Variants in DET1 observed in about 807,000 individuals in gnomAD.
The protein encoded by DET1 is DET1 homolog.
Under a neutral mutation model 43.7 loss-of-function variants are expected in DET1, and 22 were observed. The observed-to-expected ratio is 0.50, with a 90% CI of 0.36 to 0.72. DET1 has a LOEUF of 0.72. Among genes scored for constraint, DET1 ranks in the 30% least tolerant of loss-of-function variants. The pLI, the probability that DET1 is intolerant of heterozygous loss-of-function variation, is 0.00. For missense variants in DET1, 713 were observed against 713.3 expected (o/e 1.00, Z 0.00); for synonymous variants, 315 against 266.2 (o/e 1.18, Z -1.79).
chr15:88,530,942 G>T lies in DET1; in HGVS notation c.764C>A (p.Thr255Asn). ...TPEGTFIDVR[T>N]IGRFCYEDDL... ...ATCCTCATAGCAAAAGCGGCCAATG[G>T]TCCGCACATCAATGAAAGTGCCTTC... Residue 255 changes from threonine (T) to asparagine (N), a missense_variant, in exon 2 of 5, where the codon ACC becomes AAC. Thr to Asn is a moderately conservative substitution (Grantham distance 65, BLOSUM62 0). Transcript: ENST00000268148. 6.2e-7 allele frequency: 1 copy of T among 1,613,998 alleles called. No homozygotes were observed. Among genetic ancestry groups the T allele is most frequent in the Non-Finnish European group, 8.5e-7 (1 of 1,179,896 alleles).
At chr15:88,540,135 C>T (rs544500106) in intron 1 of DET1, among the ~76,000 whole-genome samples, 2 of 152,140 alleles carry the variant, frequency 1.3e-5, no homozygotes, top group South Asian at 2.1e-4. Flanking sequence ...GCTCTGCTCT[C>T]GCTCCTTGAA....
chr15:88,516,708 C>A lies in DET1; in HGVS notation c.1463+74G>T. 2.3e-6 allele frequency: 3 copies of A among 1,280,042 alleles called. No individual in the cohort carries two copies. The allele number at this position is 1,280,042 out of a possible 1,614,324, so 79.3% of individuals were successfully genotyped here. ...AGTCACAGTCACAATCAAATGATGTCCAGAAAAAGAGAAAAAGAAAGCAGG... is the reference window on the plus strand; with the variant it reads ...AGTCACAGTCACAATCAAATGATGTACAGAAAAAGAGAAAAAGAAAGCAGG... On this transcript the variant is annotated intron_variant, in intron 4 of 4. Transcript: ENST00000268148. The surrounding 1 kb of genome is among the most constrained non-coding windows in gnomAD (Gnocchi z 4.4).
At chr15:88,538,152 T>A (rs2057000388) in intron 1 of DET1, among the ~76,000 whole-genome samples, 1 of 152,054 alleles carries the variant, frequency 6.6e-6, no homozygotes, top group African/African-American at 2.4e-5. Flanking sequence ...CCAAACTGGT[T>A]TTTACTAACT....
chr15:88,533,608 G>A (rs1292848940), intron 1 of DET1, among the ~76,000 whole-genome samples: 1 of 152,002 alleles, frequency 6.6e-6, no homozygotes, highest in Non-Finnish European at 1.5e-5. Context: ...GCCTTCAAAA[G>A]GAAGAAAATT....
intron 2 of DET1, among the ~76,000 whole-genome samples, chr15:88,528,497 T>C (rs1363888183): frequency 6.6e-6 from 1 of 152,224 alleles, no homozygotes; most frequent in East Asian, 1.9e-4. Flanking sequence ...ACATTTGAGA[T>C]TTGTAGCAAT....
chr15:88,506,569 C>A (rs1416456175), intron 7 of DET1, among the ~76,000 whole-genome samples: 1 of 76,664 alleles, frequency 1.3e-5, no homozygotes, highest in Non-Finnish European at 2.6e-5. Flanking sequence ...TTGCAGAGAA[C>A]CGTTTATGCT....
chr15:88,528,541 A>C (rs551245191), intron 2 of DET1, among the ~76,000 whole-genome samples: 1 of 152,358 alleles, frequency 6.6e-6, no homozygotes, highest in South Asian at 2.1e-4. Context: ...AAGCATTCAA[A>C]TGCCATAGGT....
At chr15:88,523,851 C>T (rs1007043002) in intron 3 of DET1, among the ~76,000 whole-genome samples, 8 of 152,096 alleles carry the variant, frequency 5.3e-5, no homozygotes, top group South Asian at 2.1e-4. Context: ...AGCCTCTGCC[C>T]GGCCGCCACC....
chr15:88,527,564 A>C (rs769363583), intron 3 of DET1, 35 bp downstream of exon 3: 2 of 1,526,978 alleles, frequency 1.3e-6, no homozygotes, highest in Non-Finnish European at 1.8e-6. Flanking sequence ...AATTTTTCTA[A>C]AGAAAAGACT....
At chr15:88,519,216 C>G (rs1567060333) in intron 3 of DET1, among the ~76,000 whole-genome samples, 1 of 152,204 alleles carries the variant, frequency 6.6e-6, no homozygotes, top group Non-Finnish European at 1.5e-5. Context: ...CACCTCCACT[C>G]TCCATGCTCC....
intron 1 of DET1, among the ~76,000 whole-genome samples, chr15:88,542,962 G>A (rs548777129): frequency 1.3e-4 from 20 of 152,326 alleles, no homozygotes; most frequent in East Asian, 3.9e-4. Context: ...TGACAGGGCC[G>A]TGAGATACTG....
chr15:88,524,448 A>C (rs2017906), intron 3 of DET1, among the ~76,000 whole-genome samples: 1 of 152,018 alleles, frequency 6.6e-6, no homozygotes, highest in Admixed American at 6.5e-5. Flanking sequence ...CCGCCACCCC[A>C]TCTGGGAGGA....
At chr15:88,545,666 C>CCT (rs1598356791) in intron 1 of DET1, among the ~76,000 whole-genome samples, 1 of 48,602 alleles carries the variant, frequency 2.1e-5, no homozygotes, top group African/African-American at 1.2e-4. Flanking sequence ...CTTAAGACTC[C>CCT]CCTTGTTAAA....
chr15:88,539,342 T>C (rs2057037596), intron 1 of DET1, among the ~76,000 whole-genome samples: 1 of 150,320 alleles, frequency 6.7e-6, no homozygotes, highest in Non-Finnish European at 1.5e-5. Flanking sequence ...AAGCCGGGGG[T>C]TTATACCGGC....
chr15:88,517,440 G>A (rs2056376817), intron 3 of DET1, among the ~76,000 whole-genome samples: 1 of 151,808 alleles, frequency 6.6e-6, no homozygotes, highest in South Asian at 2.1e-4. Context: ...TGCTCAGGCT[G>A]GTCTTGAACT....
At chr15:88,524,439 C>T (rs1460071592) in intron 3 of DET1, among the ~76,000 whole-genome samples, 8 of 152,318 alleles carry the variant, frequency 5.3e-5, no homozygotes, top group African/African-American at 1.4e-4. Flanking sequence ...TCTGCCCAGC[C>T]GCCACCCCAT....
chr15:88,545,913 C>T (rs1029601091), intron 1 of DET1, among the ~76,000 whole-genome samples: 1 of 150,994 alleles, frequency 6.6e-6, no homozygotes, highest in African/African-American at 2.4e-5. Flanking sequence ...TATCCACAGT[C>T]CCCAAGAATT....
intron 2 of DET1, among the ~76,000 whole-genome samples, chr15:88,529,940 A>C (rs1561576): frequency 0.22 from 33,984 of 152,066 alleles, 4,889 homozygotes; most frequent in African/African-American, 0.41. Context: ...CCCCCTACTG[A>C]AAGAAAGGCA....
chr15:88,516,913 C>T lies in DET1; in HGVS notation c.1332G>A (p.Leu444=), dbSNP rs1207126839. 1.9e-6 allele frequency: 3 copies of T among 1,609,784 alleles called. No individual in the cohort carries two copies. The highest frequency in any genetic ancestry group is 1.7e-6 in the Non-Finnish European group (2 of 1,178,010). The change falls in exon 4 of 5, where the codon CTG becomes CTA. Residue 444 remains leucine, a synonymous_variant. Coordinates refer to ENST00000268148, the MANE Select transcript of DET1 (RefSeq NM_001144074.3). This position sits in a 1 kb window ranked among gnomAD's most constrained non-coding sequence, Gnocchi z 4.4. The stretch of plus-strand genomic sequence containing the variant: ...GAGCACTGATGGGGAGCTGACCCAG[C>T]AGCCGGCGTACTGCCTCTGTGTGCC... ...YGGHTEAVRR[L]LGQLPISAQS...
Sources: allele counts gnomAD v4.1 joint callset (sites outside exome capture counted in the v4.1 genomes callset), GRCh38; gene constraint gnomAD v4.1.1; non-coding constraint Gnocchi (gnomAD v3.1); transcripts MANE v1.5; gene names NCBI Gene and HGNC (gene_info 2026-07-23, HGNC 2026-07-21).